The following DLEU7 variants were observed in gnomAD, a reference collection of about 807,000 sequenced individuals.
DLEU7 encodes the protein leukemia-associated protein 7.
DLEU7 carries 17 observed loss-of-function variants against 16.0 expected under a neutral mutation model. The ratio of observed to expected loss-of-function variants is 1.06; its 90% CI spans 0.73 to 1.59. The LOEUF is 1.59. DLEU7 is among the 40% of genes most tolerant of loss of function. The pLI, the probability that DLEU7 is intolerant of heterozygous loss-of-function variation, is 0.00. For missense variants in DLEU7, 308 were observed against 314.9 expected, an observed-to-expected ratio of 0.98 and a Z score of 0.17; for synonymous variants, 113 against 139.8, an observed-to-expected ratio of 0.81 and a Z score of 1.35.
At chr13:50,803,665 CAT>C (rs963699413) in intron 1 of DLEU7, among the ~76,000 whole-genome samples, 64 of 152,012 alleles carry the variant, frequency 4.2e-4, no homozygotes, top group South Asian at 8.3e-4. Flanking sequence ...TTAAATAAAA[CAT>C]ATTACTAAAA....
rs559577833 is a variant in DLEU7, at chr13:50,798,361, G to T, written c.459+44827C>A. Among the ~76,000 whole-genome samples the T allele has an allele frequency of 3.2e-4, 49 of 152,264 alleles. 1 individual carries two copies. In the Middle Eastern group the frequency reaches 0.01, roughly 32 times the overall value. The stretch of plus-strand genomic sequence containing the variant: ...AAAAAATTAAACTTTTAATATTTTT[G>T]GTTATTTACTTTAATTTTTACGTTA... On this transcript the variant is annotated intron_variant, in intron 1 of 1. Coordinates refer to the DLEU7 transcript ENST00000400393.
At chr13:50,793,118 G>T (rs1021789076) in intron 1 of DLEU7, among the ~76,000 whole-genome samples, 1 of 152,022 alleles carries the variant, frequency 6.6e-6, no homozygotes, top group African/African-American at 2.4e-5. Context: ...TTACAAGTGA[G>T]AACATGCCAT....
chr13:50,784,894 G>A (rs949916256), intron 1 of DLEU7, among the ~76,000 whole-genome samples: 1 of 152,214 alleles, frequency 6.6e-6, no homozygotes, highest in African/African-American at 2.4e-5. Flanking sequence ...GAAACTAGCT[G>A]TCTTCAGATG....
chr13:50,734,761 T>C (rs1036330933), intron 1 of DLEU7, among the ~76,000 whole-genome samples: 1 of 152,142 alleles, frequency 6.6e-6, no homozygotes, highest in African/African-American at 2.4e-5. Flanking sequence ...ACTGGAATCC[T>C]AGAAGAAAAT....
At chr13:50,773,111 C>A (rs975757139) in intron 1 of DLEU7, among the ~76,000 whole-genome samples, 2 of 152,170 alleles carry the variant, frequency 1.3e-5, no homozygotes, top group African/African-American at 4.8e-5. Flanking sequence ...TGGTTTTCAG[C>A]TCCATCAGGT....
At chr13:50,770,932 C>A (rs1036458800) in intron 1 of DLEU7, among the ~76,000 whole-genome samples, 6 of 152,162 alleles carry the variant, frequency 3.9e-5, no homozygotes, top group African/African-American at 1.4e-4. Flanking sequence ...TTAATTATTG[C>A]CTCAATTTCC....
chr13:50,723,727 A>AT lies in DLEU7; in HGVS notation c.460-10488dup, dbSNP rs375615379. ...CTCAAAACCTCGTCTAAGCCTATTTATCTCCCAAAGGCCCCATCTCCAAAT... is the reference window on the plus strand; with the variant it reads ...CTCAAAACCTCGTCTAAGCCTATTTATTCTCCCAAAGGCCCCATCTCCAAAT... On this transcript the variant is annotated intron_variant, in intron 1 of 1. Transcript: ENST00000400393. Among the ~76,000 whole-genome samples the AT allele has an allele frequency of 5.2e-3, 789 of 152,150 alleles. 8 individuals carry two copies. The highest frequency in any genetic ancestry group is 0.017 in the African/African-American group (726 of 41,520).
At chr13:50,824,764 AAAAC>A (rs1428847182) in intron 1 of DLEU7, among the ~76,000 whole-genome samples, 1 of 152,220 alleles carries the variant, frequency 6.6e-6, no homozygotes, top group Non-Finnish European at 1.5e-5. Flanking sequence ...ACACATAGCA[AAAAC>A]AAACAAAAAC....
chr13:50,728,822 T>C (rs1873835436), intron 1 of DLEU7, among the ~76,000 whole-genome samples: 1 of 152,180 alleles, frequency 6.6e-6, no homozygotes, highest in South Asian at 2.1e-4. Context: ...AAGCCTGGAA[T>C]ATAAAAATTA....
At chr13:50,777,700 T>C (rs1192725615) in intron 1 of DLEU7, among the ~76,000 whole-genome samples, 1 of 152,192 alleles carries the variant, frequency 6.6e-6, no homozygotes, top group Non-Finnish European at 1.5e-5. Flanking sequence ...CCACAATCCA[T>C]TGTTTAAAGT....
downstream of DLEU7, chr13:50,711,878 C>A (rs1312960932): frequency 6.9e-6 from 1 of 145,268 alleles, no homozygotes; most frequent in African/African-American, 2.7e-5. Context: ...CAAGGTCACA[C>A]AGGATTTTTT....
Position 50,773,227 on chromosome 13 carries a change from T to C in DLEU7, c.460-59987A>G, listed in dbSNP as rs9596356. Among the ~76,000 whole-genome samples, 1,478 of 152,302 alleles carry C rather than the reference T, an allele frequency of 9.7e-3. 22 individuals carry two copies. The highest frequency in any genetic ancestry group is 0.032 in the African/African-American group (1,325 of 41,560). On this transcript the variant is annotated intron_variant, in intron 1 of 1. Transcript: ENST00000400393. ...TGGGTTCAGACATCCTCCTTTAGCT[T>C]GGAGAAGTTTGTTATTACCGACCTT...
At chr13:50,749,422 T>C (rs762570262) in intron 1 of DLEU7, among the ~76,000 whole-genome samples, 19 of 152,186 alleles carry the variant, frequency 1.2e-4, no homozygotes, top group Non-Finnish European at 2.4e-4. Flanking sequence ...CTTTTTTGTA[T>C]AATGACTTCT....
intron 1 of DLEU7, among the ~76,000 whole-genome samples, chr13:50,795,656 G>A (rs973437492): frequency 3.3e-5 from 5 of 152,038 alleles, no homozygotes. Flanking sequence ...AATAATATAT[G>A]TATGTTACAC....
At chr13:50,775,981 A>G (rs1162709828) in intron 1 of DLEU7, among the ~76,000 whole-genome samples, 4 of 152,110 alleles carry the variant, frequency 2.6e-5, no homozygotes, top group African/African-American at 9.7e-5. Context: ...ATTTTCAATA[A>G]TTGTGTTTTT....
At chr13:50,711,112 A>T (rs1418010348), downstream of DLEU7, 1 of 151,416 alleles carries the variant, frequency 6.6e-6, no homozygotes, top group Non-Finnish European at 1.5e-5. Flanking sequence ...TTTCTTCTGA[A>T]CACACAAAAT....
chr13:50,756,839 A>C (rs1370586737), intron 1 of DLEU7, among the ~76,000 whole-genome samples: 1 of 152,086 alleles, frequency 6.6e-6, no homozygotes, highest in Non-Finnish European at 1.5e-5. Context: ...GATCCCTGTC[A>C]TGCCAGGCAG....
At chr13:50,723,589 T>C (rs140871315) in intron 1 of DLEU7, among the ~76,000 whole-genome samples, 1 of 152,148 alleles carries the variant, frequency 6.6e-6, no homozygotes, top group African/African-American at 2.4e-5. Flanking sequence ...GCGTCTTTGG[T>C]TTGTTGACAG....
At chr13:50,837,259 G>A (rs1189191327) in intron 1 of DLEU7, among the ~76,000 whole-genome samples, 1 of 152,046 alleles carries the variant, frequency 6.6e-6, no homozygotes, top group African/African-American at 2.4e-5. Context: ...TTTTGTGATG[G>A]GTATAAGCAC....
Sources: gnomAD v4.1 joint callset for allele counts (sites outside exome capture counted in the v4.1 genomes callset) on GRCh38, gnomAD v4.1.1 for gene constraint, MANE v1.5 for transcripts, NCBI Gene and HGNC (gene_info 2026-07-23, HGNC 2026-07-21) for gene names.